ABCA3: variants seen among roughly 807,000 people sequenced by gnomAD.
The protein encoded by ABCA3 is phospholipid-transporting ATPase ABCA3.
A neutral mutation model predicts 172.8 loss-of-function variants in ABCA3; 88 were observed. The observed-to-expected ratio is 0.51, with a 90% CI of 0.43 to 0.61. The LOEUF is 0.61. Among genes scored for constraint, ABCA3 ranks in the 20% least tolerant of loss-of-function variants. The probability of loss-of-function intolerance (pLI) is 0.00; values close to 1 mark genes in which losing one functional copy is unlikely to be tolerated. For synonymous variants in ABCA3, 1,066 were observed against 983.8 expected (o/e 1.08, Z -1.56); for missense variants, 2,164 against 2,301.0 (o/e 0.94, Z 1.22).
In ABCA3 at chr16:2,292,221, G is replaced by T; in HGVS notation, c.2432C>A (p.Ala811Asp). The T allele has an allele frequency of 1.9e-6, 3 of 1,613,726 alleles. No homozygotes were observed. Among genetic ancestry groups the T allele is most frequent in the Non-Finnish European group, 2.5e-6 (3 of 1,179,798 alleles). Reference protein sequence around the residue: ...ESTHRFEGLFAKLEKKQKELG... With the variant: ...ESTHRFEGLFDKLEKKQKELG... ...CTCTTTCTGCTTCTTCTCCAGTTTA[G>T]CAAAGAGACCTTCAAACCTGAAAAA... The change falls in exon 19 of 33, where the codon GCT (alanine) becomes GAT (aspartate). Residue 811 changes from alanine (A) to aspartate (D), a missense_variant. Around this residue, in one of 3 missense-constraint regions of ABCA3, gnomAD observed 1,343 missense variants for 1,369.6 expected, o/e 0.98. Coordinates refer to ENST00000301732, the MANE Select transcript of ABCA3 (RefSeq NM_001089.3).
chr16:2,319,207 C>T lies in ABCA3; in HGVS notation c.873+374G>A, dbSNP rs561358564. On this transcript the variant is annotated intron_variant, in intron 8 of 32. Transcript: ENST00000301732. Reference sequence around the variant, plus strand: ...TTGGCAATATAGAAAGACCTCCGGCCGGGCACGGTGGCTCACGCCTGTAAT... The same window carrying T: ...TTGGCAATATAGAAAGACCTCCGGCTGGGCACGGTGGCTCACGCCTGTAAT... 2.0e-3 allele frequency among the ~76,000 whole-genome samples: 302 copies of T among 152,120 alleles called. 1 individual carries two copies. Among genetic ancestry groups the T allele is most frequent in the Non-Finnish European group, 2.6e-3 (178 of 67,992 alleles).
At chr16:2,323,774 G>A in intron 6 of ABCA3, 86 bp from the exon 7 acceptor site, 1 of 1,490,292 alleles carries the variant, frequency 6.7e-7, no homozygotes, top group Non-Finnish European at 9.3e-7. Flanking sequence ...GCGCTTGGGG[G>A]GCTGTCACAG....
At chr16:2,325,002 A>G (rs960886974) in intron 5 of ABCA3, among the ~76,000 whole-genome samples, 4 of 152,236 alleles carry the variant, frequency 2.6e-5, no homozygotes, top group Non-Finnish European at 5.9e-5. Context: ...GTGAGGGACC[A>G]AGGCACTTCC....
intron 3 of ABCA3, among the ~76,000 whole-genome samples, chr16:2,326,813 C>T (rs895818529): frequency 2.0e-5 from 3 of 152,140 alleles, no homozygotes; most frequent in African/African-American, 4.8e-5. Flanking sequence ...CATGGTGAAA[C>T]CCCGTCTCTA....
Position 2,276,758 on chromosome 16 carries a change from G to T in ABCA3, c.5031C>A (p.Asp1677Glu). The T allele has an allele frequency of 6.2e-7, 1 of 1,614,020 alleles. No individual in the cohort carries two copies. The highest frequency in any genetic ancestry group is 8.5e-7 in the Non-Finnish European group (1 of 1,180,046). Reference sequence around the variant, plus strand: ...CCAGCGAGATCTGGCTCACGGAGTAGTCGTCCACGCCGTACTTTTCCTTGG... The same window carrying T: ...CCAGCGAGATCTGGCTCACGGAGTATTCGTCCACGCCGTACTTTTCCTTGG... ...EKAKEKYGVDDYSVSQISLEQ... is the reference protein window; with the variant it reads ...EKAKEKYGVDEYSVSQISLEQ... The change falls in exon 33 of 33, where the codon GAC becomes GAA. Residue 1677 changes from aspartate (D) to glutamate (E), a missense_variant. Physicochemically the swap from Asp to Glu is conservative, Grantham distance 45. Around this residue, in one of 3 missense-constraint regions of ABCA3, gnomAD observed 795 missense variants for 881.9 expected, o/e 0.90. Coordinates refer to ENST00000301732, the MANE Select transcript of ABCA3 (RefSeq NM_001089.3).
rs750203545 is a variant in ABCA3, at chr16:2,283,213, G to C, written c.4008C>G (p.Leu1336=). The change falls in exon 26 of 33, where the codon CTC becomes CTG. Residue 1336 remains leucine, a synonymous_variant. Coordinates refer to ENST00000301732, the MANE Select transcript of ABCA3 (RefSeq NM_001089.3). This position sits in a 1 kb window ranked among gnomAD's most constrained non-coding sequence, Gnocchi z 5.4. ...TNLLQRLRGI[L]CALRRRRTLT... ...GTGTCCGCCTCCTCCGGAGGGCGCAGAGGATGCCCCTGAGTCTCTGAAGCA... is the reference window on the plus strand; with the variant it reads ...GTGTCCGCCTCCTCCGGAGGGCGCACAGGATGCCCCTGAGTCTCTGAAGCA... 1.9e-6 allele frequency: 3 copies of C among 1,613,238 alleles called. No individual in the cohort carries two copies. In the African/African-American group the frequency reaches 4.0e-5, roughly 22 times the overall value.
chr16:2,308,929 C>T (rs1231044072), intron 10 of ABCA3, among the ~76,000 whole-genome samples: 5 of 152,190 alleles, frequency 3.3e-5, no homozygotes, highest in Non-Finnish European at 5.9e-5. Flanking sequence ...TCCCAAACCC[C>T]TGATTCCCGC....
At chr16:2,322,058 C>T (rs572341615) in intron 7 of ABCA3, among the ~76,000 whole-genome samples, 3 of 152,014 alleles carry the variant, frequency 2.0e-5, no homozygotes, top group East Asian at 1.9e-4. Context: ...ATTAGCTGGG[C>T]GTGGTGGTGT....
chr16:2,301,864 G>A (rs1033774063), intron 12 of ABCA3, among the ~76,000 whole-genome samples: 5 of 152,184 alleles, frequency 3.3e-5, no homozygotes, highest in African/African-American at 1.2e-4. Flanking sequence ...GCCATAAACT[G>A]GCCCCAAAAC....
rs2093664196 is a variant in ABCA3, at chr16:2,286,991, G to C, written c.3005-24C>G. 6.2e-7 allele frequency: 1 copy of C among 1,607,904 alleles called. No individual in the cohort carries two copies. The highest frequency in any genetic ancestry group is 8.5e-7 in the Non-Finnish European group (1 of 1,177,888). On this transcript the variant is annotated intron_variant, in intron 21 of 32. Transcript: ENST00000301732. The surrounding 1 kb of genome is among the most constrained non-coding windows in gnomAD (Gnocchi z 5.2). ...ACCTGGGGAGCAATGGCAGAGTCAG[G>C]GGACACAGGAAGAGGTGACACCTGG... is the stretch of plus-strand genomic sequence containing the variant.
At position 2,284,345 on chromosome 16, in the gene ABCA3, C is replaced by T. The variant is rs778393424; in HGVS notation, c.3796G>A (p.Glu1266Lys). The change falls in exon 25 of 33, where the codon GAG becomes AAG. Residue 1266 changes from glutamate (E) to lysine (K), a missense_variant. Glu to Lys is a moderately conservative substitution (Grantham distance 56). Around this residue, in one of 3 missense-constraint regions of ABCA3, gnomAD observed 795 missense variants for 881.9 expected, o/e 0.90. Transcript: ENST00000301732. The surrounding 1 kb of genome is among the most constrained non-coding windows in gnomAD (Gnocchi z 5.9). ...CLGMAVSSFY[E>K]NYETRRYCTS... Reference sequence around the variant, plus strand: ...CAGTACCTCCGCGTCTCGTAGTTCTCGTAGAAACTGCTGACTGCCATCCCC... The same window carrying T: ...CAGTACCTCCGCGTCTCGTAGTTCTTGTAGAAACTGCTGACTGCCATCCCC... 12 of 1,613,850 alleles carry T rather than the reference C, an allele frequency of 7.4e-6. No homozygotes were observed. Among genetic ancestry groups the T allele is most frequent in the African/African-American group, 2.7e-5 (2 of 74,920 alleles).
At chr16:2,331,201 A>C (rs903949710) in intron 1 of ABCA3, among the ~76,000 whole-genome samples, 4 of 151,926 alleles carry the variant, frequency 2.6e-5, no homozygotes, top group Non-Finnish European at 4.4e-5. Context: ...CCTTAATAGA[A>C]GTTTTCTTTT....
chr16:2,335,703 T>A lies in ABCA3; in HGVS notation c.-539+4870A>T, dbSNP rs74679072. ...TGATGGTGGGCCCTCACCACAAGTC[T>A]ACTTTAAGCATCCTAGGCGTGTTGG... On this transcript the variant is annotated intron_variant, in intron 1 of 32. Transcript: ENST00000301732. Among the ~76,000 whole-genome samples the A allele has an allele frequency of 4.5e-3, 691 of 152,290 alleles. 4 individuals are homozygous for A. Among genetic ancestry groups the A allele is most frequent in the African/African-American group, 0.016 (663 of 41,558 alleles).
intron 17 of ABCA3, 72 bp from the exon 18 acceptor site, chr16:2,295,812 T>C: frequency 6.2e-6 from 10 of 1,601,452 alleles, no homozygotes; most frequent in South Asian, 1.1e-5. Context: ...CCGGGGTCTC[T>C]AGGGCTCACA....
chr16:2,324,236 G>A (rs1196865589), intron 6 of ABCA3, among the ~76,000 whole-genome samples, 168 bp downstream of exon 6: 1 of 152,170 alleles, frequency 6.6e-6, no homozygotes, highest in East Asian at 1.9e-4. Flanking sequence ...TCCCCTTGGC[G>A]GGGACTGTGA....
rs1282585427 is a variant in ABCA3 at position 2,299,534 on chromosome 16, T to TG, written c.1612-3dup. On this transcript the variant is annotated splice_polypyrimidine_tract_variant and splice_region_variant and intron_variant, in intron 13 of 32. Transcript: ENST00000301732. ...GTCCTTATTTCCCACCCTGAACACCTGCAGGAAAGGCAGAGGCTGCCCTGG... is the reference window on the plus strand; with the variant it reads ...GTCCTTATTTCCCACCCTGAACACCTGGCAGGAAAGGCAGAGGCTGCCCTGG... 1 of 1,612,942 alleles carries TG rather than the reference T, an allele frequency of 6.2e-7. No individual in the cohort carries two copies. The highest frequency in any genetic ancestry group is 8.5e-7 in the Non-Finnish European group (1 of 1,179,998).
In ABCA3 at chr16:2,277,137, C is replaced by T. The variant is rs186366208; in HGVS notation, c.4984-332G>A. Among the ~76,000 whole-genome samples the T allele has an allele frequency of 6.6e-6, 1 of 152,300 alleles. No homozygotes were observed. Among genetic ancestry groups the T allele is most frequent in the East Asian group, 1.9e-4 (1 of 5,182 alleles). Reference sequence around the variant, plus strand: ...TTTAGAGAGAGTCTTGCTCTGTAGCCCAGGCTGGAGTGCAGTGGCACAATC... The same window carrying T: ...TTTAGAGAGAGTCTTGCTCTGTAGCTCAGGCTGGAGTGCAGTGGCACAATC... On this transcript the variant is annotated intron_variant, in intron 32 of 32. Transcript: ENST00000301732. This position sits in a 1 kb window ranked among gnomAD's most constrained non-coding sequence, Gnocchi z 5.3.
Position 2,276,471 on chromosome 16 carries a change from A to C in ABCA3, c.*203T>G, listed in dbSNP as rs886051807. 7 of 908,936 alleles carry C rather than the reference A, an allele frequency of 7.7e-6. No homozygotes were observed. Among genetic ancestry groups the C allele is most frequent in the African/African-American group, 1.6e-5 (1 of 60,634 alleles). The allele number at this position is 908,936 out of a possible 1,614,324, so 56.3% of individuals were successfully genotyped here. On this transcript the variant is annotated 3_prime_UTR_variant, in exon 33 of 33. Transcript: ENST00000301732. ...GGAAAGTGAACTCCAGAGTATGCAG[A>C]CATGGAGATGCGCATGCTGATCCTG...
At chr16:2,310,488 C>G (rs2093704972) in intron 10 of ABCA3, among the ~76,000 whole-genome samples, 1 of 151,770 alleles carries the variant, frequency 6.6e-6, no homozygotes, top group African/African-American at 2.4e-5. Context: ...CTGAGAAGAG[C>G]AGCAGTGGTT....
Sources: allele counts gnomAD v4.1 joint callset (sites outside exome capture counted in the v4.1 genomes callset), GRCh38; gene constraint gnomAD v4.1.1; regional missense constraint gnomAD v4.1.1; non-coding constraint Gnocchi (gnomAD v3.1); transcripts MANE v1.5; gene names NCBI Gene and HGNC (gene_info 2026-07-23, HGNC 2026-07-21).